Variants in ZNF567 observed in about 807,000 individuals in gnomAD.
The protein encoded by ZNF567 is zinc finger protein 567.
In ZNF567, 36 loss-of-function variants were observed where a neutral mutation model predicts 53.9. The ratio of observed to expected loss-of-function variants is 0.67; its 90% CI spans 0.51 to 0.88. The LOEUF (loss-of-function observed/expected upper bound fraction) is 0.88, where lower values mean the gene tolerates loss of function less well. ZNF567 is among the 40% of genes least tolerant of loss of function. The pLI, the probability that ZNF567 is intolerant of heterozygous loss-of-function variation, is 0.00. For synonymous variants in ZNF567, 224 were observed against 260.4 expected (o/e 0.86, Z 1.35); for missense variants, 619 against 764.7 (o/e 0.81, Z 2.25).
rs117657033 is a variant in ZNF567, at chr19:36,719,732, G to T, written c.1008G>T (p.Ser336=). ...AGAGAACACACACAGGGGAGAAATC[G>T]TATGAATGTCTGCAATGTAGGAATG... ...DHQRTHTGEK[S]YECLQCRNAF... The change falls in exon 6 of 6, where the codon TCG becomes TCT. Residue 336 remains serine, a synonymous_variant. Transcript: ENST00000682579. 3 of 1,613,556 alleles carry T rather than the reference G, an allele frequency of 1.9e-6. No individual in the cohort carries two copies. Among genetic ancestry groups the T allele is most frequent in the South Asian group, 2.2e-5 (2 of 91,036 alleles).
At chr19:36,670,364 G>C in the ZNF567 span, among the ~76,000 whole-genome samples, 1 of 151,998 alleles carries the variant, frequency 6.6e-6, no homozygotes, top group Non-Finnish European at 1.5e-5. Flanking sequence ...GACTAAAACT[G>C]TCTCCACCTA....
intron 3 of ZNF567, among the ~76,000 whole-genome samples, chr19:36,703,028 GCT>G (rs1178457023): frequency 8.5e-5 from 13 of 152,088 alleles, no homozygotes; most frequent in African/African-American, 3.1e-4. Context: ...CAGTTTTTCT[GCT>G]CTGTTTTTTC....
chr19:36,707,739 G>A (rs1196556299), intron 3 of ZNF567, among the ~76,000 whole-genome samples: 4 of 151,784 alleles, frequency 2.6e-5, no homozygotes, highest in East Asian at 3.9e-4. Context: ...CACCATGCCC[G>A]GCTAATTTTT....
chr19:36,694,683 T>C (rs377225177), intron 2 of ZNF567, 119 bp from the exon 3 acceptor site: 3 of 531,546 alleles, frequency 5.6e-6, no homozygotes, highest in Admixed American at 3.9e-5. Context: ...TTATGTGGCA[T>C]GTTCAGAGTG....
intron 4 of ZNF567, 64 bp downstream of exon 4, chr19:36,712,576 A>G: frequency 6.3e-7 from 1 of 1,595,032 alleles, no homozygotes; most frequent in Admixed American, 1.7e-5. Flanking sequence ...CTAATTGTGT[A>G]TAATCTTGAA....
chr19:36,718,878 C>G, intron 5 of ZNF567, 70 bp from the exon 6 acceptor site: 1 of 1,279,490 alleles, frequency 7.8e-7, no homozygotes, highest in Admixed American at 2.4e-5. Context: ...GTGCTAGACC[C>G]TAGTAAAATT....
intron 3 of ZNF567, among the ~76,000 whole-genome samples, chr19:36,700,971 AAT>A (rs2145688689): frequency 6.6e-6 from 1 of 151,470 alleles, no homozygotes; most frequent in African/African-American, 2.4e-5. Context: ...CTAGCTTTTG[AAT>A]GTGTTTGCTC....
intron 5 of ZNF567, chr19:36,714,517 T>G: frequency 2.5e-6 from 1 of 398,372 alleles, no homozygotes. Flanking sequence ...AAAGAGAAAA[T>G]TATTGGTTAG....
chr19:36,683,833 A>T (rs1310408209), upstream of ZNF567, among the ~76,000 whole-genome samples: 1 of 152,024 alleles, frequency 6.6e-6, no homozygotes, highest in East Asian at 1.9e-4. Context: ...CTCTGTCTCA[A>T]ATAATAATAA....
At chr19:36,677,079 T>C in the ZNF567 span, among the ~76,000 whole-genome samples, 1 of 134,548 alleles carries the variant, frequency 7.4e-6, no homozygotes, top group Admixed American at 8.5e-5. Flanking sequence ...CGCATGAACC[T>C]GGGAGGCAGA....
chr19:36,726,091 T>G (rs2040334242), downstream of ZNF567, among the ~76,000 whole-genome samples: 1 of 152,240 alleles, frequency 6.6e-6, no homozygotes, highest in African/African-American at 2.4e-5. Flanking sequence ...CATTTGAGTT[T>G]ATTTTAGTTA....
the ZNF567 span, chr19:36,668,843 G>C: frequency 6.6e-6 from 1 of 152,168 alleles, no homozygotes; most frequent in Non-Finnish European, 1.5e-5. Flanking sequence ...GTTTGCACTT[G>C]AAACTGTCAG....
At chr19:36,676,797 C>T in the ZNF567 span, among the ~76,000 whole-genome samples, 1 of 152,248 alleles carries the variant, frequency 6.6e-6, no homozygotes, top group South Asian at 2.1e-4. Context: ...GTTGGGGGAT[C>T]GCTTGAGCCC....
chr19:36,717,073 C>T (rs946675577), intron 5 of ZNF567, among the ~76,000 whole-genome samples: 6 of 151,980 alleles, frequency 3.9e-5, no homozygotes, highest in East Asian at 1.9e-4. Flanking sequence ...GTGATCTGCC[C>T]GCTTCGGCTT....
At chr19:36,705,779 A>T (rs886772157) in intron 3 of ZNF567, among the ~76,000 whole-genome samples, 1 of 152,154 alleles carries the variant, frequency 6.6e-6, no homozygotes, top group Non-Finnish European at 1.5e-5. Flanking sequence ...TTCTATTATA[A>T]CTAAGCTTTG....
At position 36,712,272 on chromosome 19, in the gene ZNF567, T is replaced by G. The variant is rs540056093; in HGVS notation, c.10-114T>G. On this transcript the variant is annotated intron_variant, in intron 3 of 5. Coordinates refer to ENST00000682579, the MANE Select transcript of ZNF567 (RefSeq NM_001322917.1). ...CATCTTGGCCAGGGTGGTTTTTAACTCATGACCTCAAGTGATCCACCTACC... is the reference window on the plus strand; with the variant it reads ...CATCTTGGCCAGGGTGGTTTTTAACGCATGACCTCAAGTGATCCACCTACC... 1.6e-5 allele frequency: 18 copies of G among 1,118,360 alleles called. No individual in the cohort carries two copies. In the African/African-American group the frequency reaches 2.7e-4, roughly 17 times the overall value. 69.3% of individuals were successfully genotyped at this position (1,118,360 alleles called of 1,614,324 possible). A position where few individuals can be genotyped will look rare whatever the true frequency, so the allele number is the denominator to read the frequency against.
At chr19:36,675,598 G>A in the ZNF567 span, among the ~76,000 whole-genome samples, 87 of 152,076 alleles carry the variant, frequency 5.7e-4, no homozygotes, top group Non-Finnish European at 9.3e-4. Context: ...ACTTGAACCC[G>A]GGAGGCGGAG....
At chr19:36,683,194 T>C (rs1273656455), upstream of ZNF567, among the ~76,000 whole-genome samples, 1 of 151,756 alleles carries the variant, frequency 6.6e-6, no homozygotes, top group Non-Finnish European at 1.5e-5. Flanking sequence ...CATCTCAGCC[T>C]CCCAAGTAGC....
chr19:36,673,845 C>G, the ZNF567 span, among the ~76,000 whole-genome samples: 316 of 152,224 alleles, frequency 2.1e-3, no homozygotes, highest in Non-Finnish European at 3.5e-3. Flanking sequence ...ACTGATGATG[C>G]AGGTGAGGCA....
Sources: allele counts gnomAD v4.1 joint callset (sites outside exome capture counted in the v4.1 genomes callset), GRCh38; gene constraint gnomAD v4.1.1; transcripts MANE v1.5; gene names NCBI Gene and HGNC (gene_info 2026-07-23, HGNC 2026-07-21).